RIF1: variants seen among roughly 807,000 people sequenced by gnomAD.
RIF1 encodes the protein replication timing regulatory factor 1.
RIF1 carries 45 observed loss-of-function variants against 247.1 expected under a neutral mutation model. That is an observed-to-expected ratio of 0.18 (90% CI 0.14 to 0.23). The LOEUF (loss-of-function observed/expected upper bound fraction) is 0.23, where lower values mean the gene tolerates loss of function less well. Ranked by LOEUF, RIF1 falls within the 10% of genes least tolerant of loss-of-function variation. The pLI, the probability that RIF1 is intolerant of heterozygous loss-of-function variation, is 1.00. For missense variants in RIF1, 2,967 were observed against 2,862.5 expected (o/e 1.04, Z -0.83); for synonymous variants, 1,087 against 978.8 (o/e 1.11, Z -2.06).
the RIF1 span, chr2:151,527,615 T>C: frequency 6.5e-7 from 1 of 1,530,886 alleles, no homozygotes; most frequent in Non-Finnish European, 9.0e-7. Context: ...AAGGAATCAC[T>C]TGATTCAGTA....
chr2:151,492,292 A>G (rs1487546777), intron 9 of RIF1: 1 of 1,607,100 alleles, frequency 6.2e-7, no homozygotes, highest in East Asian at 2.2e-5. Flanking sequence ...CTGAAATGTC[A>G]TGAATTTGCT....
rs749325048 is a variant in RIF1, at chr2:151,414,856, A to G, written c.217A>G (p.Ser73Gly). Residue 73 changes from serine (S) to glycine (G), a missense_variant, in exon 4 of 36, where the codon AGT (serine) becomes GGT (glycine). Ser to Gly is a moderately conservative substitution (Grantham distance 56). Around this residue, in one of 7 missense-constraint regions of RIF1, gnomAD observed 269 missense variants for 288.6 expected, o/e 0.93. Coordinates refer to ENST00000444746, the MANE Select transcript of RIF1 (RefSeq NM_018151.5). ...TTCCAGTCAAAACTCGGAGCTGAGT[A>G]GTGCTGCTCTACAAGCCCTGGGGTT... Reference protein sequence around the residue: ...HISSQNSELSSAALQALGFCL... With the variant: ...HISSQNSELSGAALQALGFCL... The G allele has an allele frequency of 4.3e-6, 7 of 1,613,264 alleles. No individual in the cohort carries two copies. The highest frequency in any genetic ancestry group is 3.3e-5 in the Admixed American group (2 of 59,950).
chr2:151,475,105 A>G lies in RIF1; in HGVS notation c.*34A>G, dbSNP rs767903969. 7 of 1,402,312 alleles carry G rather than the reference A, an allele frequency of 5.0e-6. No homozygotes were observed. Among genetic ancestry groups the G allele is most frequent in the Admixed American group, 1.7e-5 (1 of 59,332 alleles). The allele number at this position is 1,402,312 out of a possible 1,614,324, so 86.9% of individuals were successfully genotyped here. ...GAGAAAATTGAAGGTTTTTTTAAAC[A>G]TCACTGGATTTCTTGATTGAGGAAA... On this transcript the variant is annotated 3_prime_UTR_variant, in exon 36 of 36. Coordinates refer to ENST00000444746, the MANE Select transcript of RIF1 (RefSeq NM_018151.5).
chr2:151,442,492 G>T (rs988232886), intron 16 of RIF1, among the ~76,000 whole-genome samples: 2 of 150,832 alleles, frequency 1.3e-5, no homozygotes, highest in African/African-American at 4.9e-5. Context: ...TTAATATAAA[G>T]AATTAAATAT....
chr2:151,531,695 CAGT>C, the RIF1 span: 1 of 885,440 alleles, frequency 1.1e-6, no homozygotes, highest in South Asian at 1.4e-5. Flanking sequence ...CACTAAATGG[CAGT>C]AGTCTCCCAG....
intron 20 of RIF1, among the ~76,000 whole-genome samples, chr2:151,448,226 TAG>T (rs1268038801): frequency 6.6e-6 from 1 of 152,006 alleles, no homozygotes; most frequent in African/African-American, 2.4e-5. Context: ...GTATTTTTAG[TAG>T]AGAGGGGGTT....
chr2:151,531,039 T>C, the RIF1 span: 971,261 of 1,611,460 alleles, frequency 0.6, 297,798 homozygotes, highest in Admixed American at 0.71. Context: ...GCAACATGGG[T>C]GTGTCGTGGA....
At chr2:151,447,234 C>T (rs1210528402) in intron 20 of RIF1, among the ~76,000 whole-genome samples, 4 of 152,188 alleles carry the variant, frequency 2.6e-5, no homozygotes, top group Non-Finnish European at 4.4e-5. Context: ...TGAGCCACCG[C>T]GCCCGGCCTC....
At chr2:151,498,123 G>GAA (rs1340276129) in intron 10 of RIF1, 7 of 1,511,210 alleles carry the variant, frequency 4.6e-6, no homozygotes, top group Non-Finnish European at 6.2e-6. Flanking sequence ...ATAGAAATGG[G>GAA]AAAGTATATC....
chr2:151,490,663 T>C, intron 9 of RIF1: 2 of 1,001,392 alleles, frequency 2.0e-6, no homozygotes, highest in Non-Finnish European at 1.5e-6. Context: ...TCACAGTTAT[T>C]CTGATGTAGG....
At chr2:151,527,425 T>A in the RIF1 span, 3 of 1,216,860 alleles carry the variant, frequency 2.5e-6, no homozygotes, top group Middle Eastern at 5.7e-4. Flanking sequence ...TAATTATTCA[T>A]TGTATTTCTC....
chr2:151,410,169 C>G (rs1685893484), intron 1 of RIF1, 136 bp downstream of exon 1: 1 of 652,182 alleles, frequency 1.5e-6, no homozygotes, highest in Non-Finnish European at 2.8e-6. Context: ...CTGTTGAAAG[C>G]TGCCCGGGAA....
chr2:151,524,494 A>T, the RIF1 span: 1 of 1,613,246 alleles, frequency 6.2e-7, no homozygotes. Flanking sequence ...GGGACTGGGG[A>T]CATTTTCATG....
At chr2:151,446,659 C>A in intron 20 of RIF1, 84 bp downstream of exon 20, 1 of 1,261,382 alleles carries the variant, frequency 7.9e-7, no homozygotes, top group Non-Finnish European at 1.1e-6. Flanking sequence ...TGTGAACTGT[C>A]ACCTATTACT....
chr2:151,426,082 A>G lies in RIF1; in HGVS notation c.787-2702A>G, dbSNP rs558852810. On this transcript the variant is annotated intron_variant, in intron 8 of 35. Coordinates refer to ENST00000444746, the MANE Select transcript of RIF1 (RefSeq NM_018151.5). ...GTATGGCTGTCCTTATGCCATTATC[A>G]TATGTATTAATTACTATAGCTTTAT... 3.3e-5 allele frequency among the ~76,000 whole-genome samples: 5 copies of G among 149,358 alleles called. No homozygotes were observed. In the East Asian group the frequency reaches 7.9e-4, roughly 24 times the overall value.
chr2:151,512,686 C>T (rs763607680), downstream of RIF1: 1 of 1,320,706 alleles, frequency 7.6e-7, no homozygotes, highest in Admixed American at 1.7e-5. Flanking sequence ...GACTTCCATT[C>T]TTTCATGATT....
chr2:151,502,136 G>GTA (rs1318824728), intron 11 of RIF1, among the ~76,000 whole-genome samples: 2 of 152,134 alleles, frequency 1.3e-5, no homozygotes, highest in African/African-American at 4.8e-5. Context: ...ACCAAACATT[G>GTA]TATGTTCTCA....
At chr2:151,499,188 G>T in intron 10 of RIF1, 5 of 565,874 alleles carry the variant, frequency 8.8e-6, no homozygotes, top group Non-Finnish European at 1.5e-5. Context: ...TTGGGAAAAA[G>T]ACAGGTCAAA....
the RIF1 span, chr2:151,524,654 CTTTTTTTTTTT>C: frequency 8.9e-5 from 23 of 257,378 alleles, no homozygotes; most frequent in Middle Eastern, 1.5e-3. Context: ...AAGAGAGAGG[CTTTTTTTTTTT>C]TTTTTTTTTT....
Sources: gnomAD v4.1 joint callset for allele counts (sites outside exome capture counted in the v4.1 genomes callset) on GRCh38, gnomAD v4.1.1 for gene constraint, gnomAD v4.1.1 regional missense constraint, MANE v1.5 for transcripts, NCBI Gene and HGNC (gene_info 2026-07-23, HGNC 2026-07-21) for gene names.